The following COL18A1 variants were observed in gnomAD, a reference collection of about 807,000 sequenced individuals.
The protein encoded by COL18A1 is collagen alpha-1(XVIII) chain.
A neutral mutation model predicts 168.0 loss-of-function variants in COL18A1; 133 were observed. The observed-to-expected ratio is 0.79, with a 90% CI of 0.69 to 0.91. COL18A1 has a LOEUF of 0.91. COL18A1 is among the 40% of genes least tolerant of loss of function. The pLI, the probability that COL18A1 is intolerant of heterozygous loss-of-function variation, is 0.00. For missense variants in COL18A1, 2,126 were observed against 1,925.4 expected (o/e 1.10, Z -1.95); for synonymous variants, 949 against 809.0 (o/e 1.17, Z -2.94).
chr21:45,489,356 C>T (rs1479916484), intron 18 of COL18A1, 130 bp from the exon 19 acceptor site: 21 of 775,858 alleles, frequency 2.7e-5, no homozygotes, highest in South Asian at 1.9e-4. Context: ...TGGGACCCCT[C>T]GGCTCTGGGC....
chr21:45,510,089 C>A lies in COL18A1; in HGVS notation c.3521C>A (p.Pro1174His). 6.3e-7 allele frequency: 1 copy of A among 1,584,712 alleles called. No homozygotes were observed. Among genetic ancestry groups the A allele is most frequent in the East Asian group, 2.3e-5 (1 of 43,224 alleles). ...CTCCACCTGGTTGCGCTCAACAGCC[C>A]CCTGTCAGGCGGCATGCGGGGCATC... ...PVLHLVALNS[P>H]LSGGMRGIRG... The change falls in exon 40 of 42, where the codon CCC (proline) becomes CAC (histidine). Residue 1174 changes from proline to histidine, a missense_variant. Transcript: ENST00000651438.
rs2146072848 is a variant in COL18A1, at chr21:45,504,353, G to A, written c.2728-63G>A. 7 of 1,546,816 alleles carry A rather than the reference G, an allele frequency of 4.5e-6. No homozygotes were observed. In the Admixed American group the frequency reaches 1.1e-4, roughly 24 times the overall value. ...CTGCCCAGCCCTGGCTCGGGGGGAT[G>A]GGAGGCCACCTGTGGCTTGTAGGGG... On this transcript the variant is annotated intron_variant, in intron 33 of 41. Coordinates refer to ENST00000651438, the MANE Select transcript of COL18A1 (RefSeq NM_001379500.1).
chr21:45,475,012 A>G (rs2035594557), intron 4 of COL18A1, among the ~76,000 whole-genome samples: 1 of 152,104 alleles, frequency 6.6e-6, no homozygotes, highest in African/African-American at 2.4e-5. Context: ...TCTTGCCCTC[A>G]GGGGTCAGTA....
rs1440721815 is a variant in COL18A1, at chr21:45,510,459, G to A, written c.3693+198G>A. On this transcript the variant is annotated intron_variant, in intron 40 of 41. Transcript: ENST00000651438. ...CTCAGGCCAGGCCTCTGCATCCCTG[G>A]GCACTGCCACGTCCCCCAGGGCATC... 4.6e-5 allele frequency among the ~76,000 whole-genome samples: 7 copies of A among 152,250 alleles called. No homozygotes were observed. The East Asian group carries it at 1.4e-3, about 29-fold the overall frequency.
intron 2 of COL18A1, among the ~76,000 whole-genome samples, chr21:45,410,707 G>A (rs746401760): frequency 2.4e-4 from 36 of 152,238 alleles, no homozygotes; most frequent in African/African-American, 7.5e-4. Flanking sequence ...TCAGCAGCTC[G>A]GACTCCTCTG....
At chr21:45,480,278 A>AG in intron 11 of COL18A1, 122 bp downstream of exon 11, 1 of 1,180,336 alleles carries the variant, frequency 8.5e-7, no homozygotes, top group Non-Finnish European at 1.2e-6. Context: ...GGCTGAGCTG[A>AG]GGGGTCACAG....
chr21:45,437,780 A>T (rs1270242710), intron 2 of COL18A1, among the ~76,000 whole-genome samples: 1 of 61,662 alleles, frequency 1.6e-5, no homozygotes. Context: ...ACACACACAC[A>T]CTCACTCACA....
In COL18A1 at chr21:45,478,334, C is replaced by G. The variant is rs1368832919; in HGVS notation, c.1229C>G (p.Pro410Arg). Residue 410 changes from proline (P) to arginine (R), a missense_variant, in exon 9 of 42, where the codon CCC (proline) becomes CGC (arginine). Physicochemically the swap from Pro to Arg is moderately radical, Grantham distance 103. Coordinates refer to ENST00000651438, the MANE Select transcript of COL18A1 (RefSeq NM_001379500.1). Reference sequence around the variant, plus strand: ...CTTCTCTTGCACACCCAGGGCGACCCCGGTGAAGACGGAAAGCCGGTGAGT... The same window carrying G: ...CTTCTCTTGCACACCCAGGGCGACCGCGGTGAAGACGGAAAGCCGGTGAGT... ...TPGRDGEPGD[P>R]GEDGKPGDTG... 1.2e-6 allele frequency: 2 copies of G among 1,614,012 alleles called. No individual in the cohort carries two copies. Among genetic ancestry groups the G allele is most frequent in the African/African-American group, 2.7e-5 (2 of 74,890 alleles).
In COL18A1 at chr21:45,443,392, G is replaced by A. The variant is rs2034434106; in HGVS notation, c.107-24850G>A. Among the ~76,000 whole-genome samples the A allele has an allele frequency of 6.6e-6, 1 of 152,144 alleles. No individual in the cohort carries two copies. The highest frequency in any genetic ancestry group is 2.4e-5 in the African/African-American group (1 of 41,422). On this transcript the variant is annotated intron_variant, in intron 2 of 41. Coordinates refer to ENST00000651438, the MANE Select transcript of COL18A1 (RefSeq NM_001379500.1). This position sits in a 1 kb window ranked among gnomAD's most constrained non-coding sequence, Gnocchi z 5.2. The stretch of plus-strand genomic sequence containing the variant: ...TGGTAAACCCTTGAAAACCAAGTGG[G>A]CCTTCACCAGCTTGAAAGGCCGCCC...
chr21:45,474,001 CG>C lies in COL18A1; in HGVS notation c.738+23del. 6.4e-7 allele frequency: 1 copy of C among 1,559,770 alleles called. No individual in the cohort carries two copies. Among genetic ancestry groups the C allele is most frequent in the Non-Finnish European group, 8.7e-7 (1 of 1,148,220 alleles). ...GATGGGGTGAGTGACATCTGGGGCA[CG>C]GGTGGGGTCTCCCCTCAATCCCTGG... is the stretch of plus-strand genomic sequence containing the variant. On this transcript the variant is annotated intron_variant, in intron 4 of 41. Coordinates refer to ENST00000651438, the MANE Select transcript of COL18A1 (RefSeq NM_001379500.1).
At chr21:45,492,316 A>G (rs1252026474) in intron 22 of COL18A1, among the ~76,000 whole-genome samples, 1 of 152,116 alleles carries the variant, frequency 6.6e-6, no homozygotes, top group East Asian at 1.9e-4. Context: ...ATGGAAGTAA[A>G]AACCATGGCC....
At chr21:45,496,244 C>T (rs188212294) in intron 29 of COL18A1, 195 of 682,868 alleles carry the variant, frequency 2.9e-4, no homozygotes, top group Middle Eastern at 2.2e-3. Flanking sequence ...TTACCTGAGA[C>T]GCAGACCCGG....
intron 2 of COL18A1, among the ~76,000 whole-genome samples, chr21:45,467,627 C>T (rs112064388): frequency 1.2e-4 from 19 of 152,330 alleles, no homozygotes; most frequent in African/African-American, 3.4e-4. Flanking sequence ...CTCTGGGCGA[C>T]GCCCCGTAGC....
chr21:45,434,390 A>T (rs527699989), intron 2 of COL18A1, among the ~76,000 whole-genome samples: 1 of 152,230 alleles, frequency 6.6e-6, no homozygotes, highest in African/African-American at 2.4e-5. Context: ...CTGACCCCCC[A>T]GGCAGCCATT....
chr21:45,452,902 TG>T (rs1156229015), intron 2 of COL18A1, among the ~76,000 whole-genome samples: 1 of 152,032 alleles, frequency 6.6e-6, no homozygotes, highest in African/African-American at 2.4e-5. Context: ...CATGTGAGCA[TG>T]TATGTACATG....
intron 2 of COL18A1, among the ~76,000 whole-genome samples, chr21:45,461,409 C>A (rs2035041856): frequency 6.6e-6 from 1 of 151,906 alleles, no homozygotes; most frequent in East Asian, 2.0e-4. Context: ...GGCAGCTGTG[C>A]CCCATTGCAC....
At chr21:45,445,445 G>A (rs11909509) in intron 2 of COL18A1, among the ~76,000 whole-genome samples, 28,246 of 152,170 alleles carry the variant, frequency 0.19, 2,646 homozygotes, top group Admixed American at 0.21. Flanking sequence ...CAGTGTGGAC[G>A]TGTGTCTTCG....
intron 26 of COL18A1, 133 bp from the exon 27 acceptor site, chr21:45,494,412 C>A: frequency 7.8e-7 from 1 of 1,286,912 alleles, no homozygotes; most frequent in Non-Finnish European, 1.1e-6. Context: ...GGGACCACAG[C>A]GGCCCTTAGG....
At chr21:45,502,531 G>A (rs771944976) in intron 32 of COL18A1, 65 of 152,202 alleles carry the variant, frequency 4.3e-4, no homozygotes, top group African/African-American at 1.4e-3. Context: ...GAGAAATTGC[G>A]TATGTTTTAT....
Sources: allele counts gnomAD v4.1 joint callset (sites outside exome capture counted in the v4.1 genomes callset), GRCh38; gene constraint gnomAD v4.1.1; non-coding constraint Gnocchi (gnomAD v3.1); transcripts MANE v1.5; gene names NCBI Gene and HGNC (gene_info 2026-07-23, HGNC 2026-07-21).